Variants in KIAA1958 observed in about 807,000 individuals in gnomAD.
KIAA1958 encodes the protein KIAA1958.
In KIAA1958, 14 loss-of-function variants were observed where a neutral mutation model predicts 47.2. The ratio of observed to expected loss-of-function variants is 0.30; its 90% CI spans 0.20 to 0.46. The LOEUF (loss-of-function observed/expected upper bound fraction) is 0.46. Among genes scored for constraint, KIAA1958 ranks in the 20% least tolerant of loss-of-function variants. The probability of loss-of-function intolerance (pLI) is 1.00; values close to 1 mark genes in which losing one functional copy is unlikely to be tolerated. For missense variants in KIAA1958, 803 were observed against 909.2 expected, an observed-to-expected ratio of 0.88 and a Z score of 1.50; for synonymous variants, 354 against 353.3, an observed-to-expected ratio of 1.00 and a Z score of -0.02.
intron 2 of KIAA1958, among the ~76,000 whole-genome samples, chr9:112,603,876 T>G (rs1250266144): frequency 6.6e-6 from 1 of 152,204 alleles, no homozygotes; most frequent in African/African-American, 2.4e-5. Context: ...TAAAATACAT[T>G]CTTATTTAAT....
intron 1 of KIAA1958, among the ~76,000 whole-genome samples, chr9:112,561,248 G>T (rs929249425): frequency 6.6e-6 from 1 of 151,868 alleles, no homozygotes; most frequent in South Asian, 2.1e-4. Flanking sequence ...TAGAGACGGG[G>T]TTTCACCGTG....
chr9:112,582,427 AG>A (rs1183898759), intron 2 of KIAA1958: 1 of 153,230 alleles, frequency 6.5e-6, no homozygotes, highest in Non-Finnish European at 1.5e-5. Context: ...TGTTAGGCCA[AG>A]GGACCAAGAG....
At chr9:112,524,910 C>T (rs955001635) in intron 1 of KIAA1958, among the ~76,000 whole-genome samples, 1 of 152,152 alleles carries the variant, frequency 6.6e-6, no homozygotes, top group Admixed American at 6.5e-5. Context: ...CATTTTCTCA[C>T]AGAAATGATA....
chr9:112,508,345 A>G (rs1484861228), intron 1 of KIAA1958, among the ~76,000 whole-genome samples: 4 of 152,210 alleles, frequency 2.6e-5, no homozygotes, highest in African/African-American at 9.6e-5. Context: ...ATAGTGTCTT[A>G]CTGGTGTATT....
chr9:112,646,833 G>A (rs376654757), intron 3 of KIAA1958, among the ~76,000 whole-genome samples: 26 of 152,314 alleles, frequency 1.7e-4, no homozygotes, highest in African/African-American at 5.8e-4. Context: ...TTGGACATGT[G>A]GAGATAGAAC....
chr9:112,487,413 G>A (rs1833878733), intron 1 of KIAA1958, among the ~76,000 whole-genome samples: 1 of 151,946 alleles, frequency 6.6e-6, no homozygotes. Context: ...CCGCCCGGCA[G>A]CTCGGGTCTC....
In KIAA1958 at chr9:112,659,266, C is replaced by G. The variant is rs762412051; in HGVS notation, c.1348C>G (p.Pro450Ala). The part of the protein sequence containing the change: ...LKDHTDITKI[P>A]AVKLNELLEN... ...CTCCGTGTTTGTCTCATTTGAGATC[C>G]CTGCAGTGAAGTTGAACGAGCTGCT... Residue 450 changes from proline (P) to alanine (A), a missense_variant, in exon 4 of 4, where the codon CCT (proline) becomes GCT (alanine). Transcript: ENST00000337530. 1 of 1,608,962 alleles carries G rather than the reference C, an allele frequency of 6.2e-7. No homozygotes were observed. Among genetic ancestry groups the G allele is most frequent in the Admixed American group, 1.7e-5 (1 of 59,844 alleles).
At chr9:112,586,713 T>C (rs1044323079) in intron 2 of KIAA1958, among the ~76,000 whole-genome samples, 19 of 152,194 alleles carry the variant, frequency 1.2e-4, no homozygotes, top group Admixed American at 9.8e-4. Flanking sequence ...ATCTAGCAAA[T>C]AGCTGTAAAC....
At chr9:112,487,225 C>G (rs575894483) in intron 1 of KIAA1958, 107 bp downstream of exon 1, 1 of 174,762 alleles carries the variant, frequency 5.7e-6, no homozygotes, top group Admixed American at 6.6e-5. Context: ...GACTCTGCTT[C>G]CCCGTCAGCG....
At chr9:112,519,166 C>T (rs1387204155) in intron 1 of KIAA1958, among the ~76,000 whole-genome samples, 1 of 152,074 alleles carries the variant, frequency 6.6e-6, no homozygotes, top group Admixed American at 6.6e-5. Context: ...TGGTCTTGAA[C>T]TCCTGAGCTC....
chr9:112,574,494 T>C lies in KIAA1958; in HGVS notation c.414T>C (p.Tyr138=). 6.2e-7 allele frequency: 1 copy of C among 1,614,150 alleles called. No homozygotes were observed. Among genetic ancestry groups the C allele is most frequent in the East Asian group, 2.2e-5 (1 of 44,874 alleles). ...AACTGGATGAAACTGTTGAAGAATA[T>C]GAAGATGAGAACACCCTGTTTGACA... is the stretch of plus-strand genomic sequence containing the variant. ...PSELDETVEE[Y]EDENTLFDMV... The change falls in exon 2 of 4, where the codon TAT becomes TAC. Residue 138 remains tyrosine, a synonymous_variant. Transcript: ENST00000337530.
chr9:112,515,999 G>T (rs1447437848), intron 1 of KIAA1958, among the ~76,000 whole-genome samples: 1 of 147,738 alleles, frequency 6.8e-6, no homozygotes, highest in Non-Finnish European at 1.5e-5. Flanking sequence ...TAAAGGAAAA[G>T]AATTCAGACT....
chr9:112,494,085 G>A (rs560887274), intron 1 of KIAA1958, among the ~76,000 whole-genome samples: 113 of 152,262 alleles, frequency 7.4e-4, no homozygotes, highest in Non-Finnish European at 1.2e-3. Flanking sequence ...TTCTATTCTG[G>A]TAAAATGTGT....
intron 2 of KIAA1958, among the ~76,000 whole-genome samples, chr9:112,600,300 C>T (rs1466722299): frequency 6.6e-6 from 1 of 152,154 alleles, no homozygotes; most frequent in Non-Finnish European, 1.5e-5. Context: ...ATCTCCTCCA[C>T]GTGTGAAGCC....
At chr9:112,492,880 G>T (rs1833992475) in intron 1 of KIAA1958, among the ~76,000 whole-genome samples, 1 of 150,460 alleles carries the variant, frequency 6.6e-6, no homozygotes. Flanking sequence ...CTTCTGAGTA[G>T]CTGGGATCAC....
chr9:112,579,537 C>G (rs1835702363), intron 2 of KIAA1958, among the ~76,000 whole-genome samples: 1 of 151,988 alleles, frequency 6.6e-6, no homozygotes, highest in Non-Finnish European at 1.5e-5. Context: ...GATTCAGATA[C>G]CACATTTTTG....
intron 1 of KIAA1958, among the ~76,000 whole-genome samples, chr9:112,511,354 CTGGAT>C (rs1834322504): frequency 2.6e-5 from 4 of 152,134 alleles, no homozygotes; most frequent in Admixed American, 2.6e-4. Flanking sequence ...TTGAGAGTCA[CTGGAT>C]TAGGGAGATG....
intron 1 of KIAA1958, among the ~76,000 whole-genome samples, chr9:112,540,446 TG>T (rs1421354580): frequency 2.6e-5 from 4 of 152,156 alleles, no homozygotes; most frequent in Non-Finnish European, 4.4e-5. Flanking sequence ...TGACTCTATG[TG>T]GGGGTTATAT....
chr9:112,554,314 A>T (rs540403356), intron 1 of KIAA1958, among the ~76,000 whole-genome samples: 1 of 152,194 alleles, frequency 6.6e-6, no homozygotes, highest in East Asian at 1.9e-4. Context: ...CCTGACTAAC[A>T]TGGTGAAACC....
Sources: gnomAD v4.1 joint callset for allele counts (sites outside exome capture counted in the v4.1 genomes callset) on GRCh38, gnomAD v4.1.1 for gene constraint, MANE v1.5 for transcripts, NCBI Gene and HGNC (gene_info 2026-07-23, HGNC 2026-07-21) for gene names.